The following RP1 variants were observed in gnomAD, a reference collection of about 807,000 sequenced individuals.
RP1 encodes oxygen-regulated protein 1.
RP1 carries 16 observed loss-of-function variants against 14.8 expected under a neutral mutation model. The ratio of observed to expected loss-of-function variants is 1.08; its 90% CI spans 0.73 to 1.65. RP1 has a LOEUF of 1.65. Ranked by LOEUF, RP1 falls within the 40% of genes most tolerant of loss-of-function variation. The pLI, the probability that RP1 is intolerant of heterozygous loss-of-function variation, is 0.00. For synonymous variants in RP1, 876 were observed against 883.6 expected, an observed-to-expected ratio of 0.99 and a Z score of 0.15; for missense variants, 2,631 against 2,535.0, an observed-to-expected ratio of 1.04 and a Z score of -0.81.
At chr8:54,671,641 C>T (rs1353787922) in intron 7 of RP1, among the ~76,000 whole-genome samples, 1 of 152,100 alleles carries the variant, frequency 6.6e-6, no homozygotes, top group Non-Finnish European at 1.5e-5. Context: ...TTTCAATTCA[C>T]TAATTATATT....
chr8:54,706,458 A>T (rs1316274967), exon 15 of RP1: 3 of 1,535,844 alleles, frequency 2.0e-6, no homozygotes, highest in Non-Finnish European at 8.7e-7. Flanking sequence ...GTTCCTCAAC[A>T]GTGCTGTGGT....
chr8:54,805,510 C>A (rs1810826297), intron 24 of RP1, among the ~76,000 whole-genome samples: 1 of 152,134 alleles, frequency 6.6e-6, no homozygotes, highest in Non-Finnish European at 1.5e-5. Flanking sequence ...TCCTATTATT[C>A]TAAATGGCTT....
intron 24 of RP1, among the ~76,000 whole-genome samples, chr8:54,814,708 C>T (rs1426165404): frequency 6.6e-6 from 1 of 152,210 alleles, no homozygotes; most frequent in African/African-American, 2.4e-5. Flanking sequence ...TTTGATGCCA[C>T]TCAAATCACT....
chr8:54,603,829 G>A (rs1805355555), intron 1 of RP1, among the ~76,000 whole-genome samples: 2 of 152,012 alleles, frequency 1.3e-5, no homozygotes, highest in Non-Finnish European at 2.9e-5. Context: ...TCATGATTTG[G>A]CTCTCTGTTT....
chr8:54,869,720 A>T (rs190594838), intron 28 of RP1: 15 of 415,586 alleles, frequency 3.6e-5, no homozygotes, highest in African/African-American at 2.4e-4. Context: ...ATCCTTTTTT[A>T]AAATTCTGAT....
chr8:54,573,347 G>A (rs923459435), intron 1 of RP1, among the ~76,000 whole-genome samples: 3 of 152,274 alleles, frequency 2.0e-5, no homozygotes, highest in African/African-American at 4.8e-5. Context: ...TTTTAAGGAC[G>A]CGAACATCAC....
chr8:54,685,977 A>G (rs1807555391), intron 12 of RP1, among the ~76,000 whole-genome samples: 1 of 152,216 alleles, frequency 6.6e-6, no homozygotes, highest in Non-Finnish European at 1.5e-5. Flanking sequence ...ACCAGCAGCC[A>G]TCACCAACTG....
chr8:54,575,872 A>G (rs999141058), intron 1 of RP1, among the ~76,000 whole-genome samples: 1 of 152,158 alleles, frequency 6.6e-6, no homozygotes, highest in Non-Finnish European at 1.5e-5. Flanking sequence ...CTATTTCTGT[A>G]GCACCGTTAT....
intron 22 of RP1, among the ~76,000 whole-genome samples, chr8:54,763,508 A>G (rs1344173681): frequency 6.6e-6 from 1 of 152,110 alleles, no homozygotes. Context: ...TGGAGAAACC[A>G]TGTCTCTACT....
Position 54,710,116 on chromosome 8 carries a change from G to C in RP1, c.2211+3461G>C, listed in dbSNP as rs117694617. ...TCTAGGGCAACCAGAACATGAGGGAGACACAAGGGGGCTTAGACGATGGCT... is the reference window on the plus strand; with the variant it reads ...TCTAGGGCAACCAGAACATGAGGGACACACAAGGGGGCTTAGACGATGGCT... On this transcript the variant is annotated intron_variant, in intron 15 of 22. Transcript: ENST00000636932. Among the ~76,000 whole-genome samples the C allele has an allele frequency of 2.9e-3, 441 of 152,298 alleles. 1 individual carries two copies. The highest frequency in any genetic ancestry group is 5.1e-3 in the Non-Finnish European group (348 of 68,026).
chr8:54,696,770 C>A (rs1807874944), intron 12 of RP1: 8 of 727,338 alleles, frequency 1.1e-5, no homozygotes, highest in Non-Finnish European at 1.7e-5. Context: ...AAAAGTCACC[C>A]CCCAGAACCT....
upstream of RP1, among the ~76,000 whole-genome samples, chr8:54,615,353 C>T (rs557827906): frequency 1.3e-5 from 2 of 152,282 alleles, no homozygotes; most frequent in African/African-American, 4.8e-5. Context: ...GGACCCCTTA[C>T]CTTGTTTTTG....
At chr8:54,746,992 T>C (rs1327214316) in intron 19 of RP1, among the ~76,000 whole-genome samples, 1 of 152,198 alleles carries the variant, frequency 6.6e-6, no homozygotes, top group Non-Finnish European at 1.5e-5. Flanking sequence ...TCCTAGATTG[T>C]TTTATTTCCC....
intron 7 of RP1, among the ~76,000 whole-genome samples, chr8:54,670,517 GTATGTGTA>G (rs1807135095): frequency 8.0e-5 from 2 of 24,884 alleles, no homozygotes; most frequent in Non-Finnish European, 2.7e-4. Context: ...ACATATATAT[GTATGTGTA>G]TATATATACA....
At chr8:54,870,953 G>C (rs1474955571) in exon 29 of RP1, 1 of 152,002 alleles carries the variant, frequency 6.6e-6, no homozygotes, top group Non-Finnish European at 1.5e-5. Context: ...TGGCCCTCCT[G>C]CCTTCCCTGC....
At chr8:54,764,601 C>A (rs1293886915) in intron 22 of RP1, among the ~76,000 whole-genome samples, 2 of 152,130 alleles carry the variant, frequency 1.3e-5, no homozygotes, top group Non-Finnish European at 2.9e-5. Context: ...TACACTTTTC[C>A]CCAAGGTTGG....
chr8:54,571,686 C>T (rs1804526284), intron 1 of RP1, among the ~76,000 whole-genome samples: 2 of 152,136 alleles, frequency 1.3e-5, no homozygotes, highest in Non-Finnish European at 2.9e-5. Context: ...TATTGTCTGC[C>T]AGTTCTGGAG....
At chr8:54,665,085 C>T (rs1312650967) in intron 7 of RP1, among the ~76,000 whole-genome samples, 1 of 152,062 alleles carries the variant, frequency 6.6e-6, no homozygotes, top group East Asian at 1.9e-4. Context: ...CTTTGTATTT[C>T]CTCTTTGTTG....
At chr8:54,686,413 C>T (rs937277257) in intron 12 of RP1, among the ~76,000 whole-genome samples, 2 of 149,016 alleles carry the variant, frequency 1.3e-5, no homozygotes, top group African/African-American at 5.0e-5. Flanking sequence ...CCACCATGAA[C>T]CAATATTTCT....
Sources: gnomAD v4.1 joint callset for allele counts (sites outside exome capture counted in the v4.1 genomes callset) on GRCh38, gnomAD v4.1.1 for gene constraint, MANE v1.5 for transcripts, NCBI Gene and HGNC (gene_info 2026-07-23, HGNC 2026-07-21) for gene names.